KMT2C: variants seen among roughly 807,000 people sequenced by gnomAD.
The protein encoded by KMT2C is lysine methyltransferase 2C.
In KMT2C, 88 loss-of-function variants were observed where a neutral mutation model predicts 507.9. The ratio of observed to expected loss-of-function variants is 0.17; its 90% confidence interval spans 0.15 to 0.21. The LOEUF is 0.21. Among genes scored for constraint, KMT2C ranks in the 10% least tolerant of loss-of-function variants. The pLI, the probability that KMT2C is intolerant of heterozygous loss-of-function variation, is 1.00. For synonymous variants in KMT2C, 2,049 were observed against 2,080.8 expected (o/e 0.98, Z 0.42); for missense variants, 4,954 against 5,957.8 (o/e 0.83, Z 5.55).
In KMT2C at chr7:152,187,257, C is replaced by G; in HGVS notation, c.5008+5G>C. 6.2e-7 allele frequency: 1 copy of G among 1,606,938 alleles called. No individual in the cohort carries two copies. The highest frequency in any genetic ancestry group is 8.5e-7 in the Non-Finnish European group (1 of 1,173,682). On this transcript the variant is annotated splice_donor_5th_base_variant and intron_variant, in intron 33 of 58. Transcript: ENST00000262189. ...TAAAACAGAAATAATATATTCATGGCTTACCAGGGAATTCTTCCTTTAAGT... is the reference window on the plus strand; with the variant it reads ...TAAAACAGAAATAATATATTCATGGGTTACCAGGGAATTCTTCCTTTAAGT...
chr7:152,148,137 C>T lies in KMT2C; in HGVS notation c.13790G>A (p.Arg4597His), dbSNP rs1217182001. The change falls in exon 52 of 59, where the codon CGC becomes CAC. Residue 4597 changes from arginine to histidine, a missense_variant. This residue lies in a region of KMT2C where 221 missense variants were observed against 304.7 expected (regional missense o/e 0.73). Coordinates refer to ENST00000262189, the MANE Select transcript of KMT2C (RefSeq NM_170606.3). The surrounding 1 kb of genome is among the most constrained non-coding windows in gnomAD (Gnocchi z 7.1). ...WSTRYANRRC[R>H]YLCSIEEKDG... is the part of the protein sequence containing the mutation. ...CTTCTCCTCAATGGAGCACAGGTAG[C>T]GGCAGCGCCTATTGGCATAGCGAGT... 8 of 1,613,898 alleles carry T rather than the reference C, an allele frequency of 5.0e-6. No homozygotes were observed. Among genetic ancestry groups the T allele is most frequent in the Non-Finnish European group, 6.8e-6 (8 of 1,179,810 alleles).
In KMT2C at chr7:152,135,583, C is replaced by T. The variant is rs2129087834; in HGVS notation, c.*1249G>A. 4.4e-6 allele frequency: 1 copy of T among 225,578 alleles called. No homozygotes were observed. Among genetic ancestry groups the T allele is most frequent in the East Asian group, 6.5e-5 (1 of 15,410 alleles). The allele number at this position is 225,578 out of a possible 1,614,324, so 14.0% of individuals were successfully genotyped here. A position where few individuals can be genotyped will look rare whatever the true frequency, so the allele number is the denominator to read the frequency against. ...AAGGGTTAGATTTAAGTTTCTGCTA[C>T]ATGATCCTATTACGTTTACATGATT... On this transcript the variant is annotated 3_prime_UTR_variant, in exon 59 of 59. Coordinates refer to ENST00000262189, the MANE Select transcript of KMT2C (RefSeq NM_170606.3).
At chr7:152,381,348 G>A (rs372718765) in intron 1 of KMT2C, among the ~76,000 whole-genome samples, 10 of 148,998 alleles carry the variant, frequency 6.7e-5, no homozygotes, top group East Asian at 2.0e-4. Flanking sequence ...TGGTTGTCAC[G>A]GGGGCAGGGA....
At chr7:152,385,582 A>G (rs1222397830) in intron 1 of KMT2C, among the ~76,000 whole-genome samples, 3 of 100,010 alleles carry the variant, frequency 3.0e-5, no homozygotes, top group Non-Finnish European at 5.1e-5. Context: ...ACTGCACTCC[A>G]GCCTGGGCGA....
chr7:152,141,147 A>G (rs2090485723), intron 55 of KMT2C, among the ~76,000 whole-genome samples: 1 of 151,982 alleles, frequency 6.6e-6, no homozygotes, highest in Non-Finnish European at 1.5e-5. Flanking sequence ...GGCTGAGCCA[A>G]GAGAATTGCT....
chr7:152,280,251 T>C (rs1588862299), intron 6 of KMT2C, among the ~76,000 whole-genome samples: 2 of 151,896 alleles, frequency 1.3e-5, no homozygotes, highest in East Asian at 3.9e-4. Flanking sequence ...AGTAAGAAAA[T>C]GGTGAGCTCA....
chr7:152,187,556 C>A, intron 32 of KMT2C, 80 bp from the exon 33 acceptor site: 4 of 1,432,272 alleles, frequency 2.8e-6, no homozygotes, highest in Non-Finnish European at 3.9e-6. Context: ...TTCATTAAAA[C>A]CTATTACAAA....
chr7:152,391,746 A>C (rs1272516136), intron 1 of KMT2C, among the ~76,000 whole-genome samples: 2 of 152,086 alleles, frequency 1.3e-5, no homozygotes, highest in East Asian at 3.9e-4. Flanking sequence ...TATATTCACC[A>C]GGCTGGTCTC....
At chr7:152,243,502 C>T (rs1011300962) in intron 14 of KMT2C, among the ~76,000 whole-genome samples, 2 of 152,182 alleles carry the variant, frequency 1.3e-5, no homozygotes, top group Non-Finnish European at 2.9e-5. Context: ...TTACTGTAGG[C>T]TGGGCGTGGT....
At chr7:152,376,986 G>A (rs897458311) in intron 1 of KMT2C, among the ~76,000 whole-genome samples, 4 of 151,984 alleles carry the variant, frequency 2.6e-5, no homozygotes, top group African/African-American at 7.3e-5. Context: ...GGAGTTCAAG[G>A]CCAGCCTGGG....
In KMT2C at chr7:152,159,003, TTCC is replaced by T. The variant is rs2092282730; in HGVS notation, c.11527_11529del (p.Gly3843del). 6.2e-7 allele frequency: 1 copy of T among 1,614,226 alleles called. No individual in the cohort carries two copies. The highest frequency in any genetic ancestry group is 1.7e-5 in the Admixed American group (1 of 60,026). On this transcript the variant is annotated inframe_deletion, in exon 44 of 59. Transcript: ENST00000262189. ...TTGCTTCGCTGTTTCTTGGTTTCAC[TTCC>T]TCCATCTGTTTTTGGCAACTGGTTG...
chr7:152,280,218 G>A (rs2096179585), intron 6 of KMT2C, among the ~76,000 whole-genome samples: 3 of 152,124 alleles, frequency 2.0e-5, no homozygotes, highest in Admixed American at 6.5e-5. Flanking sequence ...TCTAGGAACT[G>A]AGAGTGACCC....
chr7:152,189,194 T>C (rs1420082120), intron 31 of KMT2C, among the ~76,000 whole-genome samples: 2 of 152,210 alleles, frequency 1.3e-5, no homozygotes, highest in Admixed American at 6.5e-5. Flanking sequence ...CAGTCCTTAT[T>C]GTGAAAGTCT....
intron 6 of KMT2C, among the ~76,000 whole-genome samples, chr7:152,290,256 G>GTA (rs2096392343): frequency 3.1e-5 from 1 of 32,050 alleles, no homozygotes; most frequent in East Asian, 9.2e-4. Context: ...GTGTGTGTAT[G>GTA]TGTATATATA....
chr7:152,172,215 G>C (rs2092994339), intron 39 of KMT2C, among the ~76,000 whole-genome samples: 1 of 152,072 alleles, frequency 6.6e-6, no homozygotes, highest in Non-Finnish European at 1.5e-5. Context: ...TATCACACAT[G>C]GTCTATCATC....
chr7:152,367,249 A>G, intron 1 of KMT2C: 1 of 1,404,974 alleles, frequency 7.1e-7, no homozygotes, highest in South Asian at 1.2e-5. Flanking sequence ...CACGGTCATC[A>G]GAGAAGAAGG....
intron 48 of KMT2C, 96 bp downstream of exon 48, chr7:152,153,914 T>C: frequency 1.6e-6 from 2 of 1,235,156 alleles, no homozygotes; most frequent in Non-Finnish European, 2.3e-6. Flanking sequence ...TTATCCTCAG[T>C]GATCCTGTTT....
intron 39 of KMT2C, among the ~76,000 whole-genome samples, chr7:152,172,346 T>TGATGCTAAAAGAGCATCA (rs2093000663): frequency 6.6e-6 from 1 of 152,204 alleles, no homozygotes; most frequent in African/African-American, 2.4e-5. Context: ...GGCAGATGCA[T>TGATGCTAAAAGAGCATCA]GATGCTAAAA....
At position 152,148,322 on chromosome 7, in the gene KMT2C, A is replaced by C. The variant is rs1349699058; in HGVS notation, c.13605T>G (p.Ile4535Met). 2.5e-6 allele frequency: 4 copies of C among 1,614,264 alleles called. No individual in the cohort carries two copies. The highest frequency in any genetic ancestry group is 1.7e-5 in the Admixed American group (1 of 60,032). Residue 4535 changes from isoleucine (I) to methionine (M), a missense_variant, in exon 52 of 59, where the codon ATT becomes ATG. Physicochemically the swap from Ile to Met is conservative, Grantham distance 10. Around this residue, in one of 29 missense-constraint regions of KMT2C, gnomAD observed 221 missense variants for 304.7 expected, o/e 0.73. Coordinates refer to ENST00000262189, the MANE Select transcript of KMT2C (RefSeq NM_170606.3). This position sits in a 1 kb window ranked among gnomAD's most constrained non-coding sequence, Gnocchi z 7.1. The stretch of plus-strand genomic sequence containing the variant: ...GTTCTCCTCGTTGCACGATGCTAGC[A>C]ATCTGTCGCACCTCATCACGCTGAA... ...VYVQRDEVRQIASIVQRGERD... is the reference protein window; with the variant it reads ...VYVQRDEVRQMASIVQRGERD...
Sources: allele counts gnomAD v4.1 joint callset (sites outside exome capture counted in the v4.1 genomes callset), GRCh38; gene constraint gnomAD v4.1.1; regional missense constraint gnomAD v4.1.1; non-coding constraint Gnocchi (gnomAD v3.1); transcripts MANE v1.5; gene names NCBI Gene and HGNC (gene_info 2026-07-23, HGNC 2026-07-21).